NDUFA7: variants seen among roughly 807,000 people sequenced by gnomAD.
The protein encoded by NDUFA7 is NADH:ubiquinone oxidoreductase subunit A7.
A neutral mutation model predicts 14.2 loss-of-function variants in NDUFA7; 18 were observed. That is an observed-to-expected ratio of 1.27 (90% CI 0.88 to 1.88). NDUFA7 has a LOEUF of 1.88. Ranked by LOEUF, NDUFA7 falls within the 40% of genes most tolerant of loss-of-function variation. The pLI is 0.00. For synonymous variants in NDUFA7, 75 were observed against 62.1 expected (o/e 1.21, Z -0.98); for missense variants, 172 against 147.3 (o/e 1.17, Z -0.87).
At chr19:8,320,384 A>G (rs956823933) in intron 2 of NDUFA7, among the ~76,000 whole-genome samples, 8 of 152,306 alleles carry the variant, frequency 5.3e-5, no homozygotes, top group African/African-American at 1.9e-4. Flanking sequence ...AAGAATGTGG[A>G]TAAGAACTTT....
chr19:8,310,987 C>T (rs1221821041), downstream of NDUFA7, among the ~76,000 whole-genome samples: 1 of 152,218 alleles, frequency 6.6e-6, no homozygotes, highest in East Asian at 1.9e-4. Context: ...GCGTTCCAGC[C>T]TGGGTGACAA....
intron 2 of NDUFA7, among the ~76,000 whole-genome samples, chr19:8,317,735 C>T (rs1372287309): frequency 6.6e-6 from 1 of 152,124 alleles, no homozygotes; most frequent in African/African-American, 2.4e-5. Context: ...GTGATCATAG[C>T]TCACTGCAGC....
At chr19:8,316,669 T>G in intron 2 of NDUFA7, 24 bp from the exon 3 acceptor site, 1 of 1,611,676 alleles carries the variant, frequency 6.2e-7, no homozygotes, top group Non-Finnish European at 8.5e-7. Context: ...AGATGAGCAC[T>G]GAAGCAAAGA....
chr19:8,316,792 T>G (rs1159942331), intron 2 of NDUFA7, 147 bp from the exon 3 acceptor site: 6 of 906,202 alleles, frequency 6.6e-6, no homozygotes, highest in Non-Finnish European at 1.0e-5. Flanking sequence ...CTTGGTACAC[T>G]GGCAGGGACA....
intron 2 of NDUFA7, 29 bp from the exon 3 acceptor site, chr19:8,316,674 C>A: frequency 6.2e-7 from 1 of 1,610,534 alleles, no homozygotes; most frequent in Non-Finnish European, 8.5e-7. Context: ...AGCACTGAAG[C>A]AAAGAGACAG....
In NDUFA7 at chr19:8,316,788, A is replaced by T. The variant is rs971361591; in HGVS notation, c.102-143T>A. On this transcript the variant is annotated intron_variant, in intron 2 of 3. Transcript: ENST00000301457. ...CCACAGGCTGGGGGTGTCCCTTGGT[A>T]CACTGGCAGGGACATATGCCTGGGG... is the stretch of plus-strand genomic sequence containing the variant. 4.2e-6 allele frequency: 4 copies of T among 959,222 alleles called. No homozygotes were observed. The African/African-American group carries it at 6.6e-5, about 16-fold the overall frequency. The allele number at this position is 959,222 out of a possible 1,614,324, so 59.4% of individuals were successfully genotyped here.
Position 8,311,508 on chromosome 19 carries a change from C to T in NDUFA7, c.339G>A (p.Leu113=). Residue 113 remains leucine (L), a synonymous_variant, in exon 4 of 4, where the codon CTG becomes CTA. Coordinates refer to ENST00000301457, the MANE Select transcript of NDUFA7 (RefSeq NM_005001.5). The part of the protein sequence containing the change: ...RWELSSDQPY[L] ...GGGTGGCCGTGAGGGTGCAGTGTCA[C>T]AGGTAAGGCTGGTCCGAGGACAGCT... The T allele has an allele frequency of 6.2e-7, 1 of 1,605,812 alleles. No homozygotes were observed. The highest frequency in any genetic ancestry group is 8.5e-7 in the Non-Finnish European group (1 of 1,175,746).
intron 3 of NDUFA7, among the ~76,000 whole-genome samples, chr19:8,315,379 G>A (rs1970221347): frequency 6.6e-6 from 1 of 152,292 alleles, no homozygotes; most frequent in Admixed American, 6.5e-5. Context: ...GAATGTCTCG[G>A]TGTAAAACCC....
rs186153287 is a variant in NDUFA7, at chr19:8,321,026, A to T, written c.52-120T>A. On this transcript the variant is annotated intron_variant, in intron 1 of 3. Transcript: ENST00000301457. ...TTTTAAGGGAAGGCAGGGGATGAACACTCGGGGAAACGGATGTGGGTCCTG... is the reference window on the plus strand; with the variant it reads ...TTTTAAGGGAAGGCAGGGGATGAACTCTCGGGGAAACGGATGTGGGTCCTG... 9.3e-4 allele frequency: 1,065 copies of T among 1,148,992 alleles called. 3 individuals carry two copies. Among genetic ancestry groups the T allele is most frequent in the Non-Finnish European group, 1.2e-3 (920 of 782,770 alleles). 71.2% of individuals were successfully genotyped at this position (1,148,992 alleles called of 1,614,324 possible). A position where few individuals can be genotyped will look rare whatever the true frequency, so the allele number is the denominator to read the frequency against.
chr19:8,316,400 A>G, intron 3 of NDUFA7, 96 bp downstream of exon 3: 1 of 1,510,532 alleles, frequency 6.6e-7, no homozygotes, highest in Non-Finnish European at 9.0e-7. Flanking sequence ...CTTACTAAGT[A>G]GGATCTTGAC....
chr19:8,314,859 G>A (rs1970215549), intron 3 of NDUFA7, among the ~76,000 whole-genome samples: 1 of 150,848 alleles, frequency 6.6e-6, no homozygotes, highest in African/African-American at 2.4e-5. Flanking sequence ...AGCTTGCAGT[G>A]AGCCGAGATC....
chr19:8,316,202 A>G (rs1970231655), intron 3 of NDUFA7, among the ~76,000 whole-genome samples: 1 of 150,928 alleles, frequency 6.6e-6, no homozygotes, highest in Non-Finnish European at 1.5e-5. Flanking sequence ...AATCTGTAAC[A>G]CCAATTACTG....
intron 3 of NDUFA7, 40 bp from the exon 4 acceptor site, chr19:8,311,635 C>T (rs772726989): frequency 6.3e-7 from 1 of 1,574,836 alleles, no homozygotes; most frequent in Non-Finnish European, 8.7e-7. Flanking sequence ...TTCCAAAGAA[C>T]AGTGTGGAAA....
chr19:8,320,914 AAGAGG>A lies in NDUFA7; in HGVS notation c.52-13_52-9del. On this transcript the variant is annotated splice_polypyrimidine_tract_variant and intron_variant, in intron 1 of 3. Transcript: ENST00000301457. ...CTTCCCCTGCAGGTCATGCTGTGGG[AAGAGG>A]AGAGGAGAGGTCGGCCTGCAAGGCA... The A allele has an allele frequency of 6.2e-7, 1 of 1,613,650 alleles. No individual in the cohort carries two copies. Among genetic ancestry groups the A allele is most frequent in the African/African-American group, 1.3e-5 (1 of 75,006 alleles).
chr19:8,309,691 T>C (rs1970151993), downstream of NDUFA7, among the ~76,000 whole-genome samples: 1 of 152,118 alleles, frequency 6.6e-6, no homozygotes, highest in African/African-American at 2.4e-5. Flanking sequence ...GGGACACTGG[T>C]ACCTGCTGCC....
chr19:8,316,730 A>T, intron 2 of NDUFA7, 85 bp from the exon 3 acceptor site: 1 of 1,518,304 alleles, frequency 6.6e-7, no homozygotes, highest in Non-Finnish European at 9.0e-7. Context: ...TCAGTCACAA[A>T]ATGTGGGATC....
chr19:8,316,471 G>C (rs1321150021), intron 3 of NDUFA7, 25 bp downstream of exon 3: 4 of 1,612,400 alleles, frequency 2.5e-6, no homozygotes, highest in Non-Finnish European at 3.4e-6. Context: ...TGGGGGCTGT[G>C]GTGAGCAGCG....
chr19:8,315,375 C>A lies in NDUFA7; in HGVS notation c.251+1121G>T, dbSNP rs1457040851. Reference sequence around the variant, plus strand: ...TGCCCTTCCCTGGGCAATGGAATGTCTCGGTGTAAAACCCGATTGTATATT... The same window carrying A: ...TGCCCTTCCCTGGGCAATGGAATGTATCGGTGTAAAACCCGATTGTATATT... On this transcript the variant is annotated intron_variant, in intron 3 of 3. Coordinates refer to ENST00000301457, the MANE Select transcript of NDUFA7 (RefSeq NM_005001.5). 2.6e-5 allele frequency among the ~76,000 whole-genome samples: 4 copies of A among 152,142 alleles called. 1 individual carries two copies. The East Asian group carries it at 7.7e-4, about 29-fold the overall frequency.
At chr19:8,308,757 A>T (rs1568560091), downstream of NDUFA7, 1 of 199,610 alleles carries the variant, frequency 5.0e-6, no homozygotes, top group Non-Finnish European at 1.0e-5. Flanking sequence ...ACTGGAGGGC[A>T]GGGATCTTCT....
Sources: gnomAD v4.1 joint callset for allele counts (sites outside exome capture counted in the v4.1 genomes callset) on GRCh38, gnomAD v4.1.1 for gene constraint, MANE v1.5 for transcripts, NCBI Gene and HGNC (gene_info 2026-07-23, HGNC 2026-07-21) for gene names.